Variants in SLC25A14 observed in about 807,000 individuals in gnomAD.
The protein encoded by SLC25A14 is solute carrier family 25 member 14, also known as brain mitochondrial carrier protein 1.
Under a neutral mutation model 28.1 loss-of-function variants are expected in SLC25A14, and 8 were observed. The observed-to-expected ratio is 0.28, with a 90% CI of 0.17 to 0.51. The LOEUF is 0.51. Ranked by LOEUF, SLC25A14 falls within the 20% of genes least tolerant of loss-of-function variation. SLC25A14 has a pLI of 0.97. For missense variants in SLC25A14, 135 were observed against 263.8 expected (o/e 0.51, Z 3.38); for synonymous variants, 74 against 90.6 (o/e 0.82, Z 1.04).
chrX:130,358,541 A>G (rs1761209976), intron 6 of SLC25A14, 99 bp from the exon 7 acceptor site: 5 of 538,489 alleles, frequency 9.3e-6, no homozygotes, highest in Non-Finnish European at 1.5e-5. Context: ...TTCTTTTTAA[A>G]TTTTAGATGA....
intron 4 of SLC25A14, 54 bp from the exon 5 acceptor site, chrX:130,349,197 G>C: frequency 1.3e-6 from 1 of 760,231 alleles, no homozygotes; most frequent in Non-Finnish European, 1.9e-6. Flanking sequence ...AGGCTATCTA[G>C]ATATGTATAA....
At chrX:130,363,335 A>G (rs1028065454) in intron 7 of SLC25A14, among the ~76,000 whole-genome samples, 8 of 112,495 alleles carry the variant, frequency 7.1e-5, no homozygotes, top group African/African-American at 2.6e-4. Context: ...TCCATTTAGC[A>G]TACTGATTTT....
intron 7 of SLC25A14, among the ~76,000 whole-genome samples, chrX:130,359,518 C>T (rs1459948751): frequency 9.1e-6 from 1 of 109,557 alleles, no homozygotes; most frequent in Non-Finnish European, 1.9e-5. Flanking sequence ...TTCTGTTAAA[C>T]TTTTTGTCAT....
At position 130,365,662 on chromosome X, in the gene SLC25A14, G is replaced by A. The variant is rs769480436; in HGVS notation, c.841G>A (p.Asp281Asn). 8.3e-7 allele frequency: 1 copy of A among 1,206,202 alleles called. No individual in the cohort carries two copies. The highest frequency in any genetic ancestry group is 1.1e-6 in the Non-Finnish European group (1 of 891,011). The change falls in exon 9 of 11, where the codon GAT becomes AAT. Residue 281 changes from aspartate to asparagine, a missense_variant. Physicochemically the swap from Asp to Asn is conservative, Grantham distance 23. Coordinates refer to ENST00000545805, the MANE Select transcript of SLC25A14 (RefSeq NM_001282195.2). The part of the protein sequence containing the change: ...GHVDLYKGTV[D>N]GILKMWKHEG... Reference sequence around the variant, plus strand: ...TGTGGATCTCTATAAGGGCACTGTTGATGGTATTTTAAAGGTAAGTACATT... The same window carrying A: ...TGTGGATCTCTATAAGGGCACTGTTAATGGTATTTTAAAGGTAAGTACATT...
intron 6 of SLC25A14, among the ~76,000 whole-genome samples, chrX:130,356,217 CTTTTTTTT>C (rs145822008): frequency 1.5e-4 from 8 of 52,055 alleles, no homozygotes; most frequent in Admixed American, 5.1e-4. Flanking sequence ...CAAGGGCAAT[CTTTTTTTT>C]TTTTTTTTTT....
intron 4 of SLC25A14, among the ~76,000 whole-genome samples, chrX:130,347,793 A>T (rs993264425): frequency 9.0e-6 from 1 of 111,632 alleles, no homozygotes; most frequent in African/African-American, 3.3e-5. Flanking sequence ...TTCATGAGAG[A>T]CATTAGTCTG....
chrX:130,362,306 T>C (rs1028494170), intron 7 of SLC25A14, among the ~76,000 whole-genome samples: 14 of 108,593 alleles, frequency 1.3e-4, no homozygotes, highest in Non-Finnish European at 2.3e-4. Context: ...TGAAAGCAAG[T>C]TTATTAAGTA....
intron 6 of SLC25A14, among the ~76,000 whole-genome samples, chrX:130,356,217 CTTTTTTTTTT>C (rs145822008): frequency 9.6e-5 from 5 of 52,069 alleles, no homozygotes; most frequent in Middle Eastern, 0.013. Context: ...CAAGGGCAAT[CTTTTTTTTTT>C]TTTTTTTTTT....
intron 3 of SLC25A14, among the ~76,000 whole-genome samples, chrX:130,345,731 T>C (rs2033414936): frequency 8.9e-6 from 1 of 111,981 alleles, no homozygotes; most frequent in African/African-American, 3.2e-5. Flanking sequence ...TATTTTTAGA[T>C]TGTCGTTTTT....
Position 130,345,244 on chromosome X carries a change from T to C in SLC25A14, c.138T>C (p.Tyr46=), listed in dbSNP as rs1157259841. 1 of 1,198,559 alleles carries C rather than the reference T, an allele frequency of 8.3e-7. No individual in the cohort carries two copies. Among genetic ancestry groups the C allele is most frequent in the Non-Finnish European group, 1.1e-6 (1 of 884,664 alleles). ...MSGLNWKPFV[Y]GGLASIVAEF... ...GTCTGAATTGGAAACCCTTTGTATA[T>C]GGCGGCCTTGCCTCTATCGTGGCTG... Residue 46 remains tyrosine (Y), a synonymous_variant, in exon 3 of 11, where the codon TAT becomes TAC. Coordinates refer to ENST00000545805, the MANE Select transcript of SLC25A14 (RefSeq NM_001282195.2).
At chrX:130,355,053 A>G (rs2033748626) in intron 6 of SLC25A14, among the ~76,000 whole-genome samples, 1 of 112,611 alleles carries the variant, frequency 8.9e-6, no homozygotes, top group African/African-American at 3.2e-5. Flanking sequence ...AAACCAAATG[A>G]TAACAAACTT....
intron 2 of SLC25A14, among the ~76,000 whole-genome samples, chrX:130,344,730 A>T (rs942471500): frequency 1.8e-5 from 2 of 111,794 alleles, no homozygotes; most frequent in African/African-American, 6.5e-5. Context: ...AATATGAGAG[A>T]GTAGTAGTGT....
At chrX:130,359,565 G>A (rs759174773) in intron 7 of SLC25A14, among the ~76,000 whole-genome samples, 11 of 109,025 alleles carry the variant, frequency 1.0e-4, no homozygotes, top group African/African-American at 3.0e-4. Context: ...TTTGCTTTTC[G>A]TCATTGTTGC....
chrX:130,341,401 T>C (rs894505134), intron 2 of SLC25A14, among the ~76,000 whole-genome samples: 3 of 112,635 alleles, frequency 2.7e-5, no homozygotes, highest in Non-Finnish European at 5.6e-5. Context: ...CTAGAACGAA[T>C]ATCTGTGTTT....
At chrX:130,350,568 C>T in intron 5 of SLC25A14, 78 bp from the exon 6 acceptor site, 3 of 467,758 alleles carry the variant, frequency 6.4e-6, no homozygotes, top group Non-Finnish European at 1.0e-5. Flanking sequence ...AGTTTCCCTT[C>T]CTCCAGTAGG....
chrX:130,372,872 A>T, intron 10 of SLC25A14, 37 bp from the exon 11 acceptor site: 6 of 1,045,962 alleles, frequency 5.7e-6, no homozygotes, highest in Non-Finnish European at 8.0e-6. Context: ...TTGGCTTTCG[A>T]TATCAACCTG....
chrX:130,346,458 T>C (rs1233597203), intron 3 of SLC25A14, 86 bp from the exon 4 acceptor site: 17 of 801,011 alleles, frequency 2.1e-5, no homozygotes, highest in Non-Finnish European at 2.9e-5. Flanking sequence ...TGTCTTAGGA[T>C]TCAAATATTG....
intron 7 of SLC25A14, among the ~76,000 whole-genome samples, chrX:130,363,095 A>G (rs2034018972): frequency 1.8e-5 from 2 of 112,568 alleles, no homozygotes; most frequent in Non-Finnish European, 3.7e-5. Flanking sequence ...ATACGATTTA[A>G]TTGTTTCTAG....
Position 130,345,322 on chromosome X carries a change from T to C in SLC25A14, c.169+47T>C, listed in dbSNP as rs767537223. On this transcript the variant is annotated intron_variant, in intron 3 of 10. Coordinates refer to ENST00000545805, the MANE Select transcript of SLC25A14 (RefSeq NM_001282195.2). ...AATCTGCATTATACGGTATAGATGG[T>C]AGCTTATGATGATGGTTATTTTTGG... 3.8e-6 allele frequency: 3 copies of C among 782,720 alleles called. No homozygotes were observed. In the South Asian group the frequency reaches 6.9e-5, roughly 18 times the overall value. The allele number at this position is 782,720 out of a possible 1,213,427, so 64.5% of individuals were successfully genotyped here.
Sources: gnomAD v4.1 joint callset for allele counts (sites outside exome capture counted in the v4.1 genomes callset) on GRCh38, gnomAD v4.1.1 for gene constraint, MANE v1.5 for transcripts, NCBI Gene and HGNC (gene_info 2026-07-23, HGNC 2026-07-21) for gene names.